Variants in KCNAB1 observed in about 807,000 individuals in gnomAD.
KCNAB1 encodes the protein potassium voltage-gated channel subfamily A regulatory beta subunit 1, also known as voltage-gated potassium channel subunit beta-1.
KCNAB1 carries 35 observed loss-of-function variants against 64.6 expected under a neutral mutation model. That is an observed-to-expected ratio of 0.54 (90% CI 0.41 to 0.72). The LOEUF is 0.72. Among genes scored for constraint, KCNAB1 ranks in the 30% least tolerant of loss-of-function variants. KCNAB1 has a pLI of 0.00. For synonymous variants in KCNAB1, 177 were observed against 183.8 expected (o/e 0.96, Z 0.30); for missense variants, 401 against 512.9 (o/e 0.78, Z 2.11).
At position 156,218,796 on chromosome 3, in the gene KCNAB1, A is replaced by AT. The variant is rs1328307631; in HGVS notation, c.275+97910_275+97911insT. ...CTAGACCCAGAACAGCAAAAAAAAA[A>AT]AAAAAAATAATAATAAAATAAAATA... On this transcript the variant is annotated intron_variant, in intron 1 of 13. Transcript: ENST00000490337. 4.4e-3 allele frequency among the ~76,000 whole-genome samples: 362 copies of AT among 81,710 alleles called. 1 individual carries two copies. The highest frequency in any genetic ancestry group is 0.017 in the African/African-American group (314 of 17,976). The allele number at this position is 81,710 out of a possible 152,430, so 53.6% of individuals were successfully genotyped here.
chr3:156,152,077 G>A (rs1297407496), intron 1 of KCNAB1, among the ~76,000 whole-genome samples: 2 of 152,186 alleles, frequency 1.3e-5, no homozygotes, highest in Admixed American at 1.3e-4. Context: ...CCCTGACAAC[G>A]ACTGTGTCTC....
intron 1 of KCNAB1, among the ~76,000 whole-genome samples, chr3:156,342,585 C>CTTTTTTTTTTTTTTTTTTTTTTGTTT (rs60982892): frequency 1.2e-5 from 1 of 86,254 alleles, no homozygotes; most frequent in Non-Finnish European, 2.5e-5. Flanking sequence ...CTATGTGTTT[C>CTTTTTTTTTTTTTTTTTTTTTTGTTT]TTTTTTTTTT....
At chr3:156,176,041 G>T in intron 1 of KCNAB1, 1 of 779,590 alleles carries the variant, frequency 1.3e-6, no homozygotes, top group South Asian at 1.3e-5. Flanking sequence ...TCCATCAGGT[G>T]ACCAAGAACA....
At chr3:156,489,705 T>G (rs759877680) in intron 8 of KCNAB1, among the ~76,000 whole-genome samples, 4 of 152,052 alleles carry the variant, frequency 2.6e-5, no homozygotes. Flanking sequence ...AATAGAAACT[T>G]CATTTCTCAT....
intron 1 of KCNAB1, among the ~76,000 whole-genome samples, chr3:156,256,669 G>GA (rs1488898588): frequency 6.6e-6 from 1 of 150,734 alleles, no homozygotes; most frequent in Non-Finnish European, 1.5e-5. Flanking sequence ...CCACTTGAGA[G>GA]AAAATGTAGC....
At chr3:156,476,714 T>G (rs912665325) in intron 8 of KCNAB1, among the ~76,000 whole-genome samples, 5 of 152,158 alleles carry the variant, frequency 3.3e-5, no homozygotes, top group African/African-American at 1.2e-4. Flanking sequence ...TTAAGGAATA[T>G]TCACACTGTT....
chr3:156,274,874 G>A (rs1232647337), intron 1 of KCNAB1, among the ~76,000 whole-genome samples: 1 of 152,028 alleles, frequency 6.6e-6, no homozygotes, highest in Non-Finnish European at 1.5e-5. Flanking sequence ...TTTTTCTGGT[G>A]AGAACACTTA....
chr3:156,354,120 G>GTGTATATATA (rs372765461), intron 1 of KCNAB1, among the ~76,000 whole-genome samples: 255 of 132,552 alleles, frequency 1.9e-3, no homozygotes, highest in Admixed American at 2.7e-3. Flanking sequence ...ATGTGTGTGT[G>GTGTATATATA]TATATATATA....
At chr3:156,329,994 A>T (rs2108042869) in intron 1 of KCNAB1, among the ~76,000 whole-genome samples, 2 of 152,352 alleles carry the variant, frequency 1.3e-5, no homozygotes, top group Middle Eastern at 3.4e-3. Flanking sequence ...CAGAGTTTTA[A>T]TTCCAAAATA....
At chr3:156,500,125 G>A (rs1251725153) in intron 8 of KCNAB1, among the ~76,000 whole-genome samples, 3 of 152,198 alleles carry the variant, frequency 2.0e-5, no homozygotes, top group Admixed American at 2.0e-4. Context: ...ATTGGTTTAT[G>A]TGACAGGAAC....
intron 1 of KCNAB1, among the ~76,000 whole-genome samples, chr3:156,169,919 A>G (rs1455731698): frequency 6.6e-6 from 1 of 152,196 alleles, no homozygotes; most frequent in Non-Finnish European, 1.5e-5. Context: ...ATGGACTAAT[A>G]CAGTCTTCTT....
At chr3:156,316,648 C>T (rs1404307785) in intron 1 of KCNAB1, among the ~76,000 whole-genome samples, 2 of 152,220 alleles carry the variant, frequency 1.3e-5, no homozygotes, top group Non-Finnish European at 2.9e-5. Flanking sequence ...CAGCTCCCAA[C>T]CCTGAAGAGG....
At chr3:156,164,337 G>T (rs1403342200) in intron 1 of KCNAB1, among the ~76,000 whole-genome samples, 1 of 152,120 alleles carries the variant, frequency 6.6e-6, no homozygotes, top group Admixed American at 6.5e-5. Context: ...AGCAGAGAAG[G>T]TTTAGATGTT....
chr3:156,507,603 C>T (rs1289136468), intron 8 of KCNAB1, among the ~76,000 whole-genome samples: 1 of 152,208 alleles, frequency 6.6e-6, no homozygotes, highest in Non-Finnish European at 1.5e-5. Context: ...GATGATTCCT[C>T]TAAGCTTCAA....
intron 1 of KCNAB1, among the ~76,000 whole-genome samples, chr3:156,240,241 T>C (rs1449521085): frequency 6.6e-6 from 1 of 152,214 alleles, no homozygotes; most frequent in South Asian, 2.1e-4. Context: ...CTAAGCGATA[T>C]GGCCTCCTTT....
chr3:156,444,464 C>T (rs1717255314), intron 2 of KCNAB1, among the ~76,000 whole-genome samples: 1 of 152,176 alleles, frequency 6.6e-6, no homozygotes, highest in African/African-American at 2.4e-5. Context: ...TCACTGCATT[C>T]TCCCAAAAAT....
intron 1 of KCNAB1, among the ~76,000 whole-genome samples, chr3:156,289,380 T>G (rs552635672): frequency 5.3e-5 from 8 of 152,254 alleles, no homozygotes; most frequent in Non-Finnish European, 1.0e-4. Context: ...TTTTCTGAGC[T>G]GTTCCTTCTG....
At chr3:156,333,317 G>GAAAC (rs1178977479) in intron 1 of KCNAB1, among the ~76,000 whole-genome samples, 4 of 130,490 alleles carry the variant, frequency 3.1e-5, no homozygotes, top group Non-Finnish European at 6.1e-5. Flanking sequence ...AACGCACATA[G>GAAAC]AAACACACAC....
chr3:156,319,146 T>C (rs138224634), intron 1 of KCNAB1, among the ~76,000 whole-genome samples: 346 of 152,310 alleles, frequency 2.3e-3, no homozygotes, highest in Non-Finnish European at 3.6e-3. Context: ...CTTAGAAAGA[T>C]ACAGGAGGAA....
Sources: allele counts gnomAD v4.1 joint callset (sites outside exome capture counted in the v4.1 genomes callset), GRCh38; gene constraint gnomAD v4.1.1; transcripts MANE v1.5; gene names NCBI Gene and HGNC (gene_info 2026-07-23, HGNC 2026-07-21).